GPC5: variants seen among roughly 807,000 people sequenced by gnomAD.
GPC5 encodes glypican-5.
Under a neutral mutation model 53.9 loss-of-function variants are expected in GPC5, and 47 were observed. The ratio of observed to expected loss-of-function variants is 0.87; its 90% CI spans 0.69 to 1.11. The LOEUF (loss-of-function observed/expected upper bound fraction) is 1.11, where lower values mean the gene tolerates loss of function less well. Among genes scored for constraint, GPC5 ranks in the 50% most tolerant of loss-of-function variants. The probability of loss-of-function intolerance (pLI) is 0.00; values close to 1 mark genes in which losing one functional copy is unlikely to be tolerated. For missense variants in GPC5, 748 were observed against 713.1 expected, an observed-to-expected ratio of 1.05 and a Z score of -0.56; for synonymous variants, 286 against 263.3, an observed-to-expected ratio of 1.09 and a Z score of -0.84.
chr13:92,834,371 C>A (rs1878154573), intron 7 of GPC5, among the ~76,000 whole-genome samples: 1 of 152,052 alleles, frequency 6.6e-6, no homozygotes, highest in Non-Finnish European at 1.5e-5. Flanking sequence ...ACTGTTTTAT[C>A]CCAATGGGTA....
At position 92,597,674 on chromosome 13, in the gene GPC5, C is replaced by T. The variant is rs541229093; in HGVS notation, c.1562-268608C>T. On this transcript the variant is annotated intron_variant, in intron 7 of 7. Coordinates refer to ENST00000377067, the MANE Select transcript of GPC5 (RefSeq NM_004466.6). Reference sequence around the variant, plus strand: ...TAGATAGCATTTTTAGTGTAGGCATCCATTTTATTCATTGACATTTTTGCA... The same window carrying T: ...TAGATAGCATTTTTAGTGTAGGCATTCATTTTATTCATTGACATTTTTGCA... Among the ~76,000 whole-genome samples, 128 of 152,124 alleles carry T rather than the reference C, an allele frequency of 8.4e-4. 1 individual carries two copies. The highest frequency in any genetic ancestry group is 2.9e-3 in the African/African-American group (119 of 41,512).
At chr13:92,064,342 C>A (rs997774825) in intron 6 of GPC5, among the ~76,000 whole-genome samples, 2 of 152,144 alleles carry the variant, frequency 1.3e-5, no homozygotes, top group East Asian at 3.9e-4. Context: ...ATATCTGGGT[C>A]GCCCCCTAGA....
chr13:91,471,923 T>G (rs1800287941), intron 2 of GPC5, among the ~76,000 whole-genome samples: 2 of 152,218 alleles, frequency 1.3e-5, no homozygotes, highest in African/African-American at 4.8e-5. Flanking sequence ...TTTTAGATTA[T>G]GTCGTTCATA....
intron 6 of GPC5, among the ~76,000 whole-genome samples, chr13:92,093,907 T>C (rs1417242184): frequency 6.6e-6 from 1 of 152,198 alleles, no homozygotes; most frequent in African/African-American, 2.4e-5. Flanking sequence ...TAAGAATGAG[T>C]CAAAGCTTTT....
At chr13:91,758,375 T>A (rs1030964557) in intron 5 of GPC5, among the ~76,000 whole-genome samples, 1 of 152,056 alleles carries the variant, frequency 6.6e-6, no homozygotes, top group Non-Finnish European at 1.5e-5. Context: ...AATAAAAATT[T>A]ATTATATCAT....
intron 5 of GPC5, among the ~76,000 whole-genome samples, chr13:91,854,914 G>A (rs1594619370): frequency 6.6e-6 from 1 of 151,696 alleles, no homozygotes; most frequent in African/African-American, 2.4e-5. Context: ...TGGTTAAAAT[G>A]AGAATTCAGC....
At chr13:91,812,320 T>A (rs1392694824) in intron 5 of GPC5, among the ~76,000 whole-genome samples, 1 of 152,184 alleles carries the variant, frequency 6.6e-6, no homozygotes, top group Non-Finnish European at 1.5e-5. Flanking sequence ...TTAAAACACA[T>A]AAATTTTTTG....
chr13:92,289,603 A>G (rs958409279), intron 7 of GPC5, among the ~76,000 whole-genome samples: 8 of 151,964 alleles, frequency 5.3e-5, no homozygotes, highest in African/African-American at 1.2e-4. Flanking sequence ...AATAATAACT[A>G]TGTATCAGGA....
chr13:92,639,447 T>A (rs536651337), intron 7 of GPC5, among the ~76,000 whole-genome samples: 4 of 152,222 alleles, frequency 2.6e-5, no homozygotes, highest in Non-Finnish European at 5.9e-5. Context: ...GACTGTATCA[T>A]AGATACTGTG....
intron 6 of GPC5, among the ~76,000 whole-genome samples, chr13:92,004,644 G>A (rs7318003): frequency 0.99 from 150,446 of 151,372 alleles, 74,769 homozygotes; most frequent in Middle Eastern, 1. Flanking sequence ...TGATAAAGAC[G>A]TAACCGAGAC....
chr13:92,712,208 G>A (rs1888163288), intron 7 of GPC5, among the ~76,000 whole-genome samples: 1 of 151,948 alleles, frequency 6.6e-6, no homozygotes, highest in Admixed American at 6.6e-5. Flanking sequence ...CATTGTTACA[G>A]TGATTCTGTC....
At chr13:92,345,696 G>A (rs530209856) in intron 7 of GPC5, among the ~76,000 whole-genome samples, 8 of 152,036 alleles carry the variant, frequency 5.3e-5, no homozygotes, top group Non-Finnish European at 8.8e-5. Flanking sequence ...GATTTCCCTG[G>A]GCCCACAGTT....
chr13:92,535,633 G>C (rs1881700860), intron 7 of GPC5, among the ~76,000 whole-genome samples: 1 of 150,772 alleles, frequency 6.6e-6, no homozygotes, highest in Admixed American at 6.6e-5. Context: ...GAAATTTTAA[G>C]CTTTAAGACT....
chr13:92,720,495 G>C (rs568582926), intron 7 of GPC5, among the ~76,000 whole-genome samples: 1 of 151,904 alleles, frequency 6.6e-6, no homozygotes, highest in Non-Finnish European at 1.5e-5. Flanking sequence ...GTTAATTTTG[G>C]TTAGTTATAC....
At chr13:92,094,223 A>G (rs2041402877) in intron 6 of GPC5, among the ~76,000 whole-genome samples, 1 of 152,168 alleles carries the variant, frequency 6.6e-6, no homozygotes, top group Non-Finnish European at 1.5e-5. Flanking sequence ...GTAAATATTT[A>G]AGAAACTTTT....
In GPC5 at chr13:91,885,514, A is replaced by G. The variant is rs79671344; in HGVS notation, c.1281-22423A>G. Among the ~76,000 whole-genome samples, 590 of 152,252 alleles carry G rather than the reference A, an allele frequency of 3.9e-3. 3 individuals are homozygous for G. Among genetic ancestry groups the G allele is most frequent in the African/African-American group, 0.013 (557 of 41,532 alleles). On this transcript the variant is annotated intron_variant, in intron 5 of 7. Coordinates refer to ENST00000377067, the MANE Select transcript of GPC5 (RefSeq NM_004466.6). Reference sequence around the variant, plus strand: ...AGCTTTGATCATTGTTTCAGATCTCATTGCCCTTGCATCTTTTCCCAATAC... The same window carrying G: ...AGCTTTGATCATTGTTTCAGATCTCGTTGCCCTTGCATCTTTTCCCAATAC...
chr13:91,760,777 T>G (rs1031103760), intron 5 of GPC5, among the ~76,000 whole-genome samples: 1 of 152,200 alleles, frequency 6.6e-6, no homozygotes, highest in Non-Finnish European at 1.5e-5. Context: ...TATGTGCTGA[T>G]CAAAAGAGGT....
intron 7 of GPC5, among the ~76,000 whole-genome samples, chr13:92,858,189 G>T (rs1879066698): frequency 6.6e-6 from 1 of 152,110 alleles, no homozygotes; most frequent in African/African-American, 2.4e-5. Context: ...TCATGGGAGG[G>T]ACCTGGTTGG....
At chr13:92,628,094 A>G (rs1269274375) in intron 7 of GPC5, among the ~76,000 whole-genome samples, 2 of 152,074 alleles carry the variant, frequency 1.3e-5, no homozygotes, top group African/African-American at 4.8e-5. Flanking sequence ...CAACACTAAA[A>G]GTAAGTGCTA....
Sources: allele counts gnomAD v4.1 joint callset (sites outside exome capture counted in the v4.1 genomes callset), GRCh38; gene constraint gnomAD v4.1.1; transcripts MANE v1.5; gene names NCBI Gene and HGNC (gene_info 2026-07-23, HGNC 2026-07-21).